Variants in MSH6 observed in about 807,000 individuals in gnomAD.
MSH6 encodes mutS homolog 6.
Under a neutral mutation model 119.1 loss-of-function variants are expected in MSH6, and 85 were observed. The observed-to-expected ratio is 0.71, with a 90% CI of 0.60 to 0.85. MSH6 has a LOEUF of 0.85. MSH6 is among the 40% of genes least tolerant of loss of function. The pLI, the probability that MSH6 is intolerant of heterozygous loss-of-function variation, is 0.00. For missense variants in MSH6, 2,163 were observed against 1,655.3 expected (o/e 1.31, Z -5.32); for synonymous variants, 830 against 586.9 (o/e 1.41, Z -5.99).
At chr2:47,791,456 A>G (rs942478264) in intron 2 of MSH6, among the ~76,000 whole-genome samples, 5 of 152,156 alleles carry the variant, frequency 3.3e-5, no homozygotes, top group African/African-American at 1.2e-4. Context: ...GCCTATAGAT[A>G]GCGACATTCT....
intron 1 of MSH6, 140 bp downstream of exon 1, chr2:47,783,633 C>A: frequency 1.2e-6 from 1 of 851,818 alleles, no homozygotes; most frequent in Non-Finnish European, 1.7e-6. Context: ...GCAGAGTTGG[C>A]TTGAATGAGT....
chr2:47,783,530 A>G (rs2103946658), intron 1 of MSH6, 37 bp downstream of exon 1: 2 of 1,377,506 alleles, frequency 1.5e-6, no homozygotes, highest in Non-Finnish European at 9.4e-7. Context: ...GCGGGGGCAT[A>G]GCGGCGGGGC....
At chr2:47,807,786 A>C (rs879387106), downstream of MSH6, 1 of 260,500 alleles carries the variant, frequency 3.8e-6, no homozygotes, top group African/African-American at 2.2e-5. Flanking sequence ...ATTGAAGATT[A>C]CTACTGCAAA....
rs755215367 is a variant in MSH6 at position 47,800,673 on chromosome 2, A to G, written c.2690A>G (p.Asn897Ser). The part of the protein sequence containing the change: ...LKQVISLQTK[N>S]PEGRFPDLTV... ...CAGGTCATCTCTCTGCAGACAAAAA[A>G]TCCTGAAGGTCGTTTTCCTGATTTG... The change falls in exon 4 of 10, where the codon AAT becomes AGT. Residue 897 changes from asparagine (N) to serine (S), a missense_variant. Asn to Ser is a conservative substitution (Grantham distance 46). Transcript: ENST00000234420. 6.2e-7 allele frequency: 1 copy of G among 1,614,220 alleles called. No individual in the cohort carries two copies. The highest frequency in any genetic ancestry group is 2.2e-5 in the East Asian group (1 of 44,888).
intron 1 of MSH6, among the ~76,000 whole-genome samples, chr2:47,787,158 G>A (rs952400287): frequency 6.6e-6 from 1 of 152,136 alleles, no homozygotes; most frequent in African/African-American, 2.4e-5. Context: ...GCATGGTGGC[G>A]TGTGCCTGTA....
At position 47,798,625 on chromosome 2, in the gene MSH6, C is replaced by T. The variant is rs1800937; in HGVS notation, c.642C>T (p.Tyr214=). ...TTGCCTGGCAGGTAGGCACAACTTA[C>T]GTAACAGATAAGAGTGAAGAAGATA... ...EEEEMEVGTT[Y]VTDKSEEDNE... Residue 214 remains tyrosine (Y), a synonymous_variant, in exon 4 of 10, where the codon TAC becomes TAT. Transcript: ENST00000234420. 146,849 of 1,610,204 alleles carry T rather than the reference C, an allele frequency of 0.091. 7,851 individuals carry two copies. The highest frequency in any genetic ancestry group is 0.11 in the Non-Finnish European group (126,533 of 1,179,544).
chr2:47,800,462 A>G lies in MSH6; in HGVS notation c.2479A>G (p.Asn827Asp), dbSNP rs878853716. ...DLERLLSKIH[N>D]VGSPLKSQNH... is the part of the protein sequence containing the mutation. ...TGAGAGGCTACTCAGTAAAATTCAT[A>G]ATGTTGGGTCTCCCCTGAAGAGTCA... Residue 827 changes from asparagine (N) to aspartate (D), a missense_variant, in exon 4 of 10, where the codon AAT (asparagine) becomes GAT (aspartate). By Grantham distance (23) the Asn-to-Asp change is conservative. Coordinates refer to ENST00000234420, the MANE Select transcript of MSH6 (RefSeq NM_000179.3). The G allele has an allele frequency of 2.5e-6, 4 of 1,613,822 alleles. No individual in the cohort carries two copies. The highest frequency in any genetic ancestry group is 1.7e-6 in the Non-Finnish European group (2 of 1,179,992).
chr2:47,808,284 G>T, downstream of MSH6: 2 of 1,612,516 alleles, frequency 1.2e-6, no homozygotes, highest in Non-Finnish European at 1.7e-6. Flanking sequence ...AGAAAAGTGA[G>T]GGGGAAAGTA....
In MSH6 at chr2:47,798,614, G is replaced by A. The variant is rs786204153; in HGVS notation, c.631G>A (p.Gly211Ser). 1 of 1,609,838 alleles carries A rather than the reference G, an allele frequency of 6.2e-7. No individual in the cohort carries two copies. The highest frequency in any genetic ancestry group is 8.5e-7 in the Non-Finnish European group (1 of 1,179,910). ...EPEEEEEMEV[G>S]TTYVTDKSEE... Reference sequence around the variant, plus strand: ...ATACTCTTTCCTTGCCTGGCAGGTAGGCACAACTTACGTAACAGATAAGAG... The same window carrying A: ...ATACTCTTTCCTTGCCTGGCAGGTAAGCACAACTTACGTAACAGATAAGAG... The change falls in exon 4 of 10, where the codon GGC becomes AGC. Residue 211 changes from glycine (G) to serine (S), a missense_variant. Physicochemically the swap from Gly to Ser is moderately conservative, Grantham distance 56. Transcript: ENST00000234420.
At chr2:47,786,466 C>T (rs570565955) in intron 1 of MSH6, among the ~76,000 whole-genome samples, 1 of 151,964 alleles carries the variant, frequency 6.6e-6, no homozygotes, top group Non-Finnish European at 1.5e-5. Flanking sequence ...TCTCAAGTAC[C>T]TGGTATTACA....
In MSH6 at chr2:47,806,917, A is replaced by ACATTATGATCT; in HGVS notation, c.*58_*68dup. The stretch of plus-strand genomic sequence containing the variant: ...CTGACAAAGGTGGTAAATTCAGACA[A>ACATTATGATCT]CATTATGATCTAATAAACTTTATTT... On this transcript the variant is annotated 3_prime_UTR_variant, in exon 10 of 10. Coordinates refer to ENST00000234420, the MANE Select transcript of MSH6 (RefSeq NM_000179.3). The ACATTATGATCT allele has an allele frequency of 8.0e-7, 1 of 1,256,546 alleles. No individual in the cohort carries two copies. Among genetic ancestry groups the ACATTATGATCT allele is most frequent in the Non-Finnish European group, 1.2e-6 (1 of 858,024 alleles). 77.8% of individuals were successfully genotyped at this position (1,256,546 alleles called of 1,614,324 possible).
chr2:47,790,299 C>T (rs1467779585), intron 1 of MSH6, among the ~76,000 whole-genome samples: 2 of 152,120 alleles, frequency 1.3e-5, no homozygotes, highest in Non-Finnish European at 2.9e-5. Flanking sequence ...TGGCGTGTGC[C>T]TGTAGTCTTG....
rs1572697773 is a variant in MSH6 at position 47,783,260 on chromosome 2, C to G, written c.27C>G (p.Ser9Arg). The G allele has an allele frequency of 6.2e-7, 1 of 1,612,192 alleles. No homozygotes were observed. The highest frequency in any genetic ancestry group is 1.7e-4 in the Middle Eastern group (1 of 6,058). MSRQSTLY[S>R]FFPKSPALSD... ...TGTCGCGACAGAGCACCCTGTACAGCTTCTTCCCCAAGTCTCCGGCGCTGA... is the reference window on the plus strand; with the variant it reads ...TGTCGCGACAGAGCACCCTGTACAGGTTCTTCCCCAAGTCTCCGGCGCTGA... The change falls in exon 1 of 10, where the codon AGC becomes AGG. Residue 9 changes from serine (S) to arginine (R), a missense_variant. Coordinates refer to ENST00000234420, the MANE Select transcript of MSH6 (RefSeq NM_000179.3).
At chr2:47,789,992 T>A (rs1410887316) in intron 1 of MSH6, among the ~76,000 whole-genome samples, 4 of 152,144 alleles carry the variant, frequency 2.6e-5, no homozygotes, top group African/African-American at 9.7e-5. Context: ...GTCACTGTTT[T>A]TTATTGGTTT....
intron 1 of MSH6, among the ~76,000 whole-genome samples, chr2:47,786,502 T>G (rs539050391): frequency 3.1e-5 from 3 of 95,654 alleles, no homozygotes; most frequent in Non-Finnish European, 6.2e-5. Flanking sequence ...GCCCAGCTAA[T>G]TTTTGTGTTT....
In MSH6 at chr2:47,800,139, C is replaced by T. The variant is rs373418713; in HGVS notation, c.2156C>T (p.Thr719Ile). The T allele has an allele frequency of 5.0e-6, 8 of 1,614,002 alleles. No homozygotes were observed. The highest frequency in any genetic ancestry group is 6.8e-6 in the Non-Finnish European group (8 of 1,180,016). Residue 719 changes from threonine (T) to isoleucine (I), a missense_variant, in exon 4 of 10, where the codon ACT (threonine) becomes ATT (isoleucine). Transcript: ENST00000234420. The stretch of plus-strand genomic sequence containing the variant: ...CCCTTGGATTCTGACACAGTCAGCA[C>T]TACAAGATCTGGTGCTATCTTCACC... ...YIPLDSDTVS[T>I]TRSGAIFTKA...
rs776745497 is a variant in MSH6 at position 47,783,276 on chromosome 2, C to G, written c.43C>G (p.Pro15Ala). Residue 15 changes from proline to alanine, a missense_variant, in exon 1 of 10, where the codon CCG (proline) becomes GCG (alanine). By Grantham distance (27) the Pro-to-Ala change is conservative. Transcript: ENST00000234420. ...CCTGTACAGCTTCTTCCCCAAGTCT[C>G]CGGCGCTGAGTGATGCCAACAAGGC... ...STLYSFFPKS[P>A]ALSDANKASA... 6.2e-7 allele frequency: 1 copy of G among 1,612,236 alleles called. No individual in the cohort carries two copies. Among genetic ancestry groups the G allele is most frequent in the Non-Finnish European group, 8.5e-7 (1 of 1,179,602 alleles).
At chr2:47,783,965 G>A in intron 1 of MSH6, 1 of 1,039,608 alleles carries the variant, frequency 9.6e-7, no homozygotes. Context: ...GAGTCCGGTG[G>A]TGTGGGGTGC....
intron 1 of MSH6, among the ~76,000 whole-genome samples, chr2:47,788,335 A>C (rs545118799): frequency 7.1e-6 from 1 of 140,006 alleles, no homozygotes; most frequent in Non-Finnish European, 1.5e-5. Context: ...GCTTACTGCA[A>C]CCTCTGCCTT....
Sources: allele counts gnomAD v4.1 joint callset (sites outside exome capture counted in the v4.1 genomes callset), GRCh38; gene constraint gnomAD v4.1.1; transcripts MANE v1.5; gene names NCBI Gene and HGNC (gene_info 2026-07-23, HGNC 2026-07-21).